The following ENAH variants were observed in gnomAD, a reference collection of about 807,000 sequenced individuals.
The protein encoded by ENAH is protein enabled homolog.
In ENAH, 23 loss-of-function variants were observed where a neutral mutation model predicts 78.7. The ratio of observed to expected loss-of-function variants is 0.29; its 90% CI spans 0.21 to 0.41. The LOEUF is 0.41. ENAH is among the 10% of genes least tolerant of loss of function. The pLI is 1.00. For missense variants in ENAH, 544 were observed against 691.0 expected, an observed-to-expected ratio of 0.79 and a Z score of 2.39; for synonymous variants, 226 against 241.0, an observed-to-expected ratio of 0.94 and a Z score of 0.58.
chr1:225,514,576 T>A lies in ENAH; in HGVS notation c.1218+20A>T, dbSNP rs577343561. On this transcript the variant is annotated intron_variant, in intron 7 of 13. Coordinates refer to ENST00000366843, the MANE Select transcript of ENAH (RefSeq NM_018212.6). ...GGAAGAATAAGACATATTAAAAAAA[T>A]TTTTCAGAAAGGTATTTACCCGTGA... The A allele has an allele frequency of 1.4e-5, 22 of 1,602,930 alleles. No homozygotes were observed. Among genetic ancestry groups the A allele is most frequent in the East Asian group, 6.7e-5 (3 of 44,802 alleles).
chr1:225,589,041 T>C (rs988359088), intron 1 of ENAH, among the ~76,000 whole-genome samples: 2 of 152,088 alleles, frequency 1.3e-5, no homozygotes, highest in Non-Finnish European at 2.9e-5. Flanking sequence ...AACATTATGC[T>C]GTGAAGAAAG....
rs974750644 is a variant in ENAH at position 225,495,266 on chromosome 1, G to A, written c.*2509C>T. The A allele has an allele frequency of 6.6e-6, 1 of 152,440 alleles. No homozygotes were observed. Among genetic ancestry groups the A allele is most frequent in the African/African-American group, 2.4e-5 (1 of 41,416 alleles). 9.4% of individuals were successfully genotyped at this position (152,440 alleles called of 1,614,324 possible). On this transcript the variant is annotated 3_prime_UTR_variant, in exon 14 of 14. Transcript: ENST00000366843. ...AGCACAAAAACCATCATAATAATGT[G>A]GTTCCAAGGAACGTGGTTTTGATAA...
At chr1:225,558,979 T>C (rs2096684859) in intron 2 of ENAH, among the ~76,000 whole-genome samples, 1 of 152,204 alleles carries the variant, frequency 6.6e-6, no homozygotes, top group South Asian at 2.1e-4. Flanking sequence ...ATTAATATTC[T>C]ATATGGCTTT....
chr1:225,639,745 A>ACACACACACACACAC (rs1558949307), intron 1 of ENAH, among the ~76,000 whole-genome samples: 9 of 101,150 alleles, frequency 8.9e-5, no homozygotes, highest in African/African-American at 4.5e-4. Flanking sequence ...CACACACACA[A>ACACACACACACACAC]GAAGGATGGT....
intron 1 of ENAH, among the ~76,000 whole-genome samples, chr1:225,619,770 C>G (rs1656465655): frequency 6.6e-6 from 1 of 152,158 alleles, no homozygotes; most frequent in Non-Finnish European, 1.5e-5. Flanking sequence ...ATTCTGCAGT[C>G]TCAGTGTCTT....
At chr1:225,648,611 A>C (rs1662397581) in intron 1 of ENAH, among the ~76,000 whole-genome samples, 1 of 152,320 alleles carries the variant, frequency 6.6e-6, no homozygotes, top group African/African-American at 2.4e-5. Flanking sequence ...TTGCTCCTAA[A>C]ATAAACCTCT....
chr1:225,537,504 A>C (rs2096567496), intron 3 of ENAH, among the ~76,000 whole-genome samples: 1 of 152,204 alleles, frequency 6.6e-6, no homozygotes, highest in Non-Finnish European at 1.5e-5. Flanking sequence ...CATATGCATA[A>C]GCCTAACAGA....
At chr1:225,535,573 A>AC in intron 3 of ENAH, 1 of 1,302,732 alleles carries the variant, frequency 7.7e-7, no homozygotes, top group Non-Finnish European at 1.0e-6. Flanking sequence ...GCTGCAACAG[A>AC]CACCTTGGTG....
rs889553026 is a variant in ENAH at position 225,519,397 on chromosome 1, C to T, written c.603G>A (p.Gln201=). 1.9e-6 allele frequency: 3 copies of T among 1,611,712 alleles called. No individual in the cohort carries two copies. The African/African-American group carries it at 4.0e-5, about 22-fold the overall frequency. ...GGCGTTCCTGCCGCTCCAGGCGTTC[C>T]TGCCGTTCCCGTTCTTGTCTCTCTC... ...LERERQERER[Q]ERLERQERLE... Residue 201 remains glutamine, a synonymous_variant, in exon 5 of 14, where the codon CAG becomes CAA. Coordinates refer to ENST00000366843, the MANE Select transcript of ENAH (RefSeq NM_018212.6).
intron 1 of ENAH, among the ~76,000 whole-genome samples, chr1:225,591,262 A>G (rs1316670223): frequency 6.6e-6 from 1 of 152,294 alleles, no homozygotes; most frequent in East Asian, 1.9e-4. Context: ...TGAGGTCAGG[A>G]GTTCGAGACC....
intron 1 of ENAH, among the ~76,000 whole-genome samples, chr1:225,596,189 T>C (rs1381902475): frequency 1.3e-5 from 2 of 152,216 alleles, no homozygotes; most frequent in Admixed American, 6.5e-5. Flanking sequence ...GGAAATCCCA[T>C]TGCTAGTGAG....
intron 1 of ENAH, among the ~76,000 whole-genome samples, chr1:225,619,607 CA>C (rs1351619769): frequency 2.0e-5 from 3 of 152,138 alleles, no homozygotes; most frequent in African/African-American, 7.2e-5. Context: ...TTTTGGGGAT[CA>C]GGGGAAGGAG....
rs149362944 is a variant in ENAH, at chr1:225,652,927, G to A, written c.-237C>T. 988 of 388,438 alleles carry A rather than the reference G, an allele frequency of 2.5e-3. 10 individuals carry two copies. The highest frequency in any genetic ancestry group is 0.018 in the African/African-American group (868 of 48,226). 24.1% of individuals were successfully genotyped at this position (388,438 alleles called of 1,614,324 possible). Reference sequence around the variant, plus strand: ...GGGGAGGGGGCGGAGAGGCCGAGGCGCGGAGCTGGTCCCCAGGCGGCCGCC... The same window carrying A: ...GGGGAGGGGGCGGAGAGGCCGAGGCACGGAGCTGGTCCCCAGGCGGCCGCC... On this transcript the variant is annotated 5_prime_UTR_variant, in exon 1 of 14. Coordinates refer to ENST00000366843, the MANE Select transcript of ENAH (RefSeq NM_018212.6).
At chr1:225,555,581 CAA>C (rs146999797) in intron 2 of ENAH, among the ~76,000 whole-genome samples, 4 of 126,382 alleles carry the variant, frequency 3.2e-5, no homozygotes, top group Admixed American at 8.1e-5. Context: ...GACTCTGTCT[CAA>C]AAAAAAAAAA....
At chr1:225,644,462 GGGA>G (rs908992239) in intron 1 of ENAH, among the ~76,000 whole-genome samples, 2 of 152,096 alleles carry the variant, frequency 1.3e-5, no homozygotes, top group African/African-American at 2.4e-5. Context: ...GAGAATTTGG[GGGA>G]GGAGGAGAAA....
intron 3 of ENAH, among the ~76,000 whole-genome samples, chr1:225,533,794 A>T (rs2096549312): frequency 6.6e-6 from 1 of 152,116 alleles, no homozygotes; most frequent in South Asian, 2.1e-4. Context: ...AGCACATTCC[A>T]CTTACTGTCA....
chr1:225,534,327 C>T (rs1189326785), intron 3 of ENAH, among the ~76,000 whole-genome samples: 1 of 152,102 alleles, frequency 6.6e-6, no homozygotes, highest in East Asian at 1.9e-4. Context: ...ACACAATAGG[C>T]TCACTGCTGT....
upstream of ENAH, among the ~76,000 whole-genome samples, chr1:225,653,417 C>A (rs180979661): frequency 1.3e-5 from 2 of 150,730 alleles, no homozygotes; most frequent in Admixed American, 6.6e-5. This position sits in a 1 kb window ranked among gnomAD's most constrained non-coding sequence, Gnocchi z 4.3. Context: ...GGCCACCACC[C>A]CCCCCTCCCG....
chr1:225,649,010 C>T (rs1662489704), intron 1 of ENAH, among the ~76,000 whole-genome samples: 1 of 151,936 alleles, frequency 6.6e-6, no homozygotes, highest in Non-Finnish European at 1.5e-5. Context: ...AGCCCACTGC[C>T]CAGAAGTTTT....
Sources: gnomAD v4.1 joint callset for allele counts (sites outside exome capture counted in the v4.1 genomes callset) on GRCh38, gnomAD v4.1.1 for gene constraint, Gnocchi (gnomAD v3.1) non-coding constraint, MANE v1.5 for transcripts, NCBI Gene and HGNC (gene_info 2026-07-23, HGNC 2026-07-21) for gene names.